TMEM232: variants seen among roughly 807,000 people sequenced by gnomAD.
TMEM232 encodes the protein transmembrane protein 232.
Under a neutral mutation model 78.8 loss-of-function variants are expected in TMEM232, and 80 were observed. The observed-to-expected ratio is 1.01, with a 90% CI of 0.85 to 1.22. TMEM232 has a LOEUF of 1.22. Ranked by LOEUF, TMEM232 falls within the 50% of genes most tolerant of loss-of-function variation. The pLI, the probability that TMEM232 is intolerant of heterozygous loss-of-function variation, is 0.00. For missense variants in TMEM232, 881 were observed against 742.2 expected, an observed-to-expected ratio of 1.19 and a Z score of -2.17; for synonymous variants, 297 against 254.3, an observed-to-expected ratio of 1.17 and a Z score of -1.60.
At chr5:110,681,057 A>G (rs1792688982) in intron 1 of TMEM232, among the ~76,000 whole-genome samples, 1 of 152,296 alleles carries the variant, frequency 6.6e-6, no homozygotes, top group African/African-American at 2.4e-5. Flanking sequence ...GATTCTGCCA[A>G]TACCACTCTA....
intron 1 of TMEM232, among the ~76,000 whole-genome samples, chr5:110,692,995 C>T (rs1051189320): frequency 6.6e-6 from 1 of 152,184 alleles, no homozygotes; most frequent in Non-Finnish European, 1.5e-5. Flanking sequence ...TGAGAACAGG[C>T]AGACTGCCTC....
At chr5:110,696,513 G>A (rs1794798137) in intron 1 of TMEM232, among the ~76,000 whole-genome samples, 2 of 152,252 alleles carry the variant, frequency 1.3e-5, no homozygotes, top group Admixed American at 6.5e-5. Context: ...AAGTCAAATT[G>A]TCCCTGTTTG....
chr5:110,644,559 A>G (rs954038934), intron 2 of TMEM232, among the ~76,000 whole-genome samples: 3 of 151,782 alleles, frequency 2.0e-5, no homozygotes, highest in African/African-American at 4.8e-5. Context: ...CTCAGTGCTC[A>G]CAAACCAACC....
At chr5:110,445,196 T>C (rs927237227) in intron 12 of TMEM232, among the ~76,000 whole-genome samples, 1 of 152,050 alleles carries the variant, frequency 6.6e-6, no homozygotes, top group African/African-American at 2.4e-5. Flanking sequence ...TTCATTTGGA[T>C]CCCTGTCTAT....
intron 12 of TMEM232, among the ~76,000 whole-genome samples, chr5:110,425,260 G>C (rs1306697557): frequency 6.6e-6 from 1 of 152,064 alleles, no homozygotes; most frequent in Non-Finnish European, 1.5e-5. Flanking sequence ...CATTTCCAAA[G>C]TCTTTGTATT....
chr5:110,567,956 A>G (rs1776529546), intron 11 of TMEM232, among the ~76,000 whole-genome samples: 1 of 152,008 alleles, frequency 6.6e-6, no homozygotes, highest in Non-Finnish European at 1.5e-5. Flanking sequence ...CCTTGCTATG[A>G]GGTAGTGAAA....
intron 1 of TMEM232, among the ~76,000 whole-genome samples, chr5:110,698,203 G>T (rs1035766905): frequency 1.3e-5 from 2 of 151,700 alleles, no homozygotes; most frequent in Admixed American, 6.6e-5. Context: ...ACCAAACACC[G>T]CATGTTCTCA....
chr5:110,461,526 T>A (rs1418743229), intron 12 of TMEM232, among the ~76,000 whole-genome samples: 1 of 152,234 alleles, frequency 6.6e-6, no homozygotes, highest in African/African-American at 2.4e-5. Flanking sequence ...ATCCAAAGGA[T>A]ATAGCTAAGA....
At chr5:110,510,751 C>A (rs919952068) in intron 12 of TMEM232, among the ~76,000 whole-genome samples, 2 of 152,180 alleles carry the variant, frequency 1.3e-5, no homozygotes, top group African/African-American at 4.8e-5. Flanking sequence ...AATATACCAT[C>A]TCATGCCAGT....
intron 8 of TMEM232, among the ~76,000 whole-genome samples, chr5:110,610,259 G>GAAGGGAGGAAGGGAGGAAGGGAGC (rs1782074756): frequency 6.8e-6 from 1 of 147,894 alleles, no homozygotes. Context: ...AGGAAGGGAG[G>GAAGGGAGGAAGGGAGGAAGGGAGC]AAGGGAGGAA....
chr5:110,434,346 C>T (rs951430826), intron 12 of TMEM232, among the ~76,000 whole-genome samples: 3 of 151,472 alleles, frequency 2.0e-5, no homozygotes, highest in Non-Finnish European at 3.0e-5. Context: ...CATCTCTATG[C>T]ACAGAAACTA....
chr5:110,705,524 G>C (rs1795835705), intron 1 of TMEM232, among the ~76,000 whole-genome samples: 1 of 152,014 alleles, frequency 6.6e-6, no homozygotes. Flanking sequence ...AAAGGCATGT[G>C]TCCAAACTCA....
At chr5:110,536,754 GA>G (rs879268516) in intron 11 of TMEM232, among the ~76,000 whole-genome samples, 1 of 152,174 alleles carries the variant, frequency 6.6e-6, no homozygotes, top group Non-Finnish European at 1.5e-5. Context: ...GGATGTTTAG[GA>G]CAAGTCAGAG....
At chr5:110,415,297 C>T (rs916457933), downstream of TMEM232, among the ~76,000 whole-genome samples, 3 of 151,828 alleles carry the variant, frequency 2.0e-5, no homozygotes, top group African/African-American at 7.3e-5. Context: ...ACGCCATTCT[C>T]CCGCCTCAGC....
chr5:110,545,102 T>C (rs1773617045), intron 11 of TMEM232, among the ~76,000 whole-genome samples: 1 of 152,150 alleles, frequency 6.6e-6, no homozygotes, highest in South Asian at 2.1e-4. Context: ...ATATATTTTA[T>C]AGTACAGTCT....
intron 12 of TMEM232, among the ~76,000 whole-genome samples, chr5:110,493,067 T>C (rs1326787676): frequency 1.3e-5 from 2 of 151,800 alleles, no homozygotes; most frequent in African/African-American, 2.4e-5. Context: ...TTTTTTATAA[T>C]GACAATTTGT....
intron 10 of TMEM232, among the ~76,000 whole-genome samples, chr5:110,583,258 G>T (rs966279300): frequency 3.3e-5 from 5 of 151,850 alleles, no homozygotes; most frequent in Admixed American, 1.3e-4. Context: ...ATACTTCAAG[G>T]CTACATAAAT....
chr5:110,687,302 T>C (rs1425528595), intron 1 of TMEM232, among the ~76,000 whole-genome samples: 1 of 152,152 alleles, frequency 6.6e-6, no homozygotes, highest in Non-Finnish European at 1.5e-5. Flanking sequence ...AACCCACGTG[T>C]AACTGCTGCT....
At chr5:110,472,557 A>C (rs989202650) in intron 12 of TMEM232, among the ~76,000 whole-genome samples, 9 of 151,920 alleles carry the variant, frequency 5.9e-5, no homozygotes, top group African/African-American at 2.2e-4. Context: ...GGGATCCTAA[A>C]ATTTTTATTG....
Sources: gnomAD v4.1 joint callset for allele counts (sites outside exome capture counted in the v4.1 genomes callset) on GRCh38, gnomAD v4.1.1 for gene constraint, MANE v1.5 for transcripts, NCBI Gene and HGNC (gene_info 2026-07-23, HGNC 2026-07-21) for gene names.